The following KATNAL2 variants were observed in gnomAD, a reference collection of about 807,000 sequenced individuals.
KATNAL2 encodes the protein katanin p60 ATPase-containing subunit A-like 2.
A neutral mutation model predicts 76.3 loss-of-function variants in KATNAL2; 52 were observed. The ratio of observed to expected loss-of-function variants is 0.68; its 90% CI spans 0.55 to 0.86. The LOEUF (loss-of-function observed/expected upper bound fraction) is 0.86. Ranked by LOEUF, KATNAL2 falls within the 40% of genes least tolerant of loss-of-function variation. The pLI, the probability that KATNAL2 is intolerant of heterozygous loss-of-function variation, is 0.00. For synonymous variants in KATNAL2, 243 were observed against 244.2 expected (o/e 1.00, Z 0.05); for missense variants, 660 against 668.9 (o/e 0.99, Z 0.15).
intron 3 of KATNAL2, among the ~76,000 whole-genome samples, chr18:46,954,669 CTGACT>C (rs2059671743): frequency 6.6e-6 from 1 of 151,368 alleles, no homozygotes; most frequent in Non-Finnish European, 1.5e-5. Context: ...CAAAAGAAGT[CTGACT>C]TGATTGTCAC....
intron 15 of KATNAL2, among the ~76,000 whole-genome samples, chr18:47,094,425 GA>G (rs2063140601): frequency 6.6e-6 from 1 of 152,174 alleles, no homozygotes; most frequent in Non-Finnish European, 1.5e-5. Context: ...TCATTTCCCT[GA>G]AGAATTCTGT....
At chr18:46,925,478 G>A (rs1341579061) in intron 1 of KATNAL2, among the ~76,000 whole-genome samples, 1 of 152,122 alleles carries the variant, frequency 6.6e-6, no homozygotes, top group Non-Finnish European at 1.5e-5. Flanking sequence ...GCTGGATTCG[G>A]TTTGCCAGTA....
At chr18:47,084,456 G>A (rs2062675362) in intron 15 of KATNAL2, 1 of 698,772 alleles carries the variant, frequency 1.4e-6, no homozygotes, top group South Asian at 1.5e-5. Flanking sequence ...AGCAAGCATT[G>A]TGCAAAAAAT....
chr18:47,066,867 A>ATG (rs2061820531), intron 10 of KATNAL2, among the ~76,000 whole-genome samples, 154 bp from the exon 11 acceptor site: 1 of 74,230 alleles, frequency 1.3e-5, no homozygotes, highest in Non-Finnish European at 2.9e-5. Context: ...ATATATATAT[A>ATG]TATATATATA....
chr18:46,924,672 T>C lies in KATNAL2; in HGVS notation c.-510+6746T>C, dbSNP rs8095353. ...AATCTATAAATTACTTTGGGCAGTA[T>C]GGCCATTTTCATGATATTGATTCTT... On this transcript the variant is annotated intron_variant, in intron 1 of 17. Transcript: ENST00000683218. Among the ~76,000 whole-genome samples the C allele has an allele frequency of 6.5e-3, 997 of 152,302 alleles. 7 individuals carry two copies. The highest frequency in any genetic ancestry group is 0.023 in the African/African-American group (960 of 41,560).
chr18:46,925,651 AG>A (rs765973676), intron 1 of KATNAL2, among the ~76,000 whole-genome samples: 55 of 152,302 alleles, frequency 3.6e-4, no homozygotes, highest in Middle Eastern at 3.4e-3. Flanking sequence ...TAGTTTCAGA[AG>A]GCATGGTACC....
chr18:47,083,515 G>A (rs149883306), intron 15 of KATNAL2, among the ~76,000 whole-genome samples: 4 of 152,258 alleles, frequency 2.6e-5, no homozygotes, highest in South Asian at 2.1e-4. Flanking sequence ...CGTCTCAAAG[G>A]GGCAATCATT....
At chr18:47,054,586 C>T (rs1010323861) in intron 6 of KATNAL2, 148 bp downstream of exon 6, 4 of 745,028 alleles carry the variant, frequency 5.4e-6, no homozygotes, top group African/African-American at 5.3e-5. Flanking sequence ...GGACTTCTCT[C>T]ATTACAGCTG....
intron 1 of KATNAL2, among the ~76,000 whole-genome samples, chr18:46,921,513 CAACTT>C (rs979651363): frequency 6.6e-5 from 10 of 152,120 alleles, no homozygotes; most frequent in African/African-American, 2.4e-4. Context: ...AGCAAAGTCT[CAACTT>C]AATTTTTCTA....
At chr18:47,044,831 C>T (rs2061100582) in intron 3 of KATNAL2, among the ~76,000 whole-genome samples, 1 of 151,660 alleles carries the variant, frequency 6.6e-6, no homozygotes, top group Non-Finnish European at 1.5e-5. Flanking sequence ...CGCCTGTAAT[C>T]CCAGCACTTT....
Position 47,099,287 on chromosome 18 carries a change from T to C in KATNAL2, c.1256T>C (p.Leu419Pro). 3 of 1,614,172 alleles carry C rather than the reference T, an allele frequency of 1.9e-6. No homozygotes were observed. The highest frequency in any genetic ancestry group is 1.1e-5 in the South Asian group (1 of 91,082). Residue 419 changes from leucine (L) to proline (P), a missense_variant, in exon 16 of 18, where the codon CTG becomes CCG. Coordinates refer to ENST00000683218, the MANE Select transcript of KATNAL2 (RefSeq NM_001387690.1). Reference sequence around the variant, plus strand: ...TTACGCCGCCTGGAGAAGAGGATTCTGGTCGATCTCCCCAGCCGGGAGGCC... The same window carrying C: ...TTACGCCGCCTGGAGAAGAGGATTCCGGTCGATCTCCCCAGCCGGGAGGCC... ...AMLRRLEKRI[L>P]VDLPSREARQ...
chr18:47,074,257 G>C (rs1399993608), intron 13 of KATNAL2, among the ~76,000 whole-genome samples: 1 of 152,200 alleles, frequency 6.6e-6, no homozygotes, highest in East Asian at 1.9e-4. Flanking sequence ...GCATGCGCTT[G>C]AATGTACCCA....
At chr18:46,921,780 G>C (rs1158220838) in intron 1 of KATNAL2, among the ~76,000 whole-genome samples, 1 of 151,656 alleles carries the variant, frequency 6.6e-6, no homozygotes, top group Non-Finnish European at 1.5e-5. Flanking sequence ...TTCCAACCTG[G>C]TTGGACCAAC....
chr18:47,079,203 A>G (rs1201220447), intron 15 of KATNAL2, among the ~76,000 whole-genome samples: 2 of 152,150 alleles, frequency 1.3e-5, no homozygotes, highest in African/African-American at 4.8e-5. Context: ...AAAAATAAGG[A>G]CTTTTTTTAC....
rs749424338 is a variant in KATNAL2 at position 46,920,096 on chromosome 18, C to A, written c.-510+2170C>A. On this transcript the variant is annotated intron_variant, in intron 1 of 17. Transcript: ENST00000683218. Reference sequence around the variant, plus strand: ...TTGTAGTTGCTTCCCAGCATTCATTCTGCCCCTTCCTCAATGTGTAGCAGC... The same window carrying A: ...TTGTAGTTGCTTCCCAGCATTCATTATGCCCCTTCCTCAATGTGTAGCAGC... The A allele has an allele frequency of 5.2e-5, 67 of 1,289,684 alleles. No individual in the cohort carries two copies. The African/African-American group carries it at 9.4e-4, about 18-fold the overall frequency. 79.9% of individuals were successfully genotyped at this position (1,289,684 alleles called of 1,614,324 possible). A position where few individuals can be genotyped will look rare whatever the true frequency, so the allele number is the denominator to read the frequency against.
In KATNAL2 at chr18:47,097,376, C is replaced by T. The variant is rs150500785; in HGVS notation, c.1212-1867C>T. Among the ~76,000 whole-genome samples the T allele has an allele frequency of 5.8e-3, 889 of 152,180 alleles. 4 individuals are homozygous for T. The highest frequency in any genetic ancestry group is 9.3e-3 in the Non-Finnish European group (630 of 67,992). On this transcript the variant is annotated intron_variant, in intron 15 of 17. Coordinates refer to ENST00000683218, the MANE Select transcript of KATNAL2 (RefSeq NM_001387690.1). The stretch of plus-strand genomic sequence containing the variant: ...GCCACCAGAAAATCAAACACCACAC[C>T]GACAGTGAGATACACAGATGTGTGG...
rs1335493565 is a variant in KATNAL2, at chr18:47,100,926, T to C, written c.1538T>C (p.Val513Ala). The change falls in exon 18 of 18, where the codon GTG becomes GCG. Residue 513 changes from valine to alanine, a missense_variant. Val to Ala is a moderately conservative substitution (Grantham distance 64). Transcript: ENST00000683218. ...DIVTTADFLD[V>A]LTHTKPSAKN... Reference sequence around the variant, plus strand: ...GTAACCACTGCCGACTTTCTGGATGTGCTAACTCACACCAAGCCCTCCGCA... The same window carrying C: ...GTAACCACTGCCGACTTTCTGGATGCGCTAACTCACACCAAGCCCTCCGCA... The C allele has an allele frequency of 3.1e-6, 5 of 1,614,002 alleles. No homozygotes were observed. The highest frequency in any genetic ancestry group is 4.2e-6 in the Non-Finnish European group (5 of 1,180,024).
chr18:46,934,244 A>G (rs2059023392), intron 1 of KATNAL2, among the ~76,000 whole-genome samples: 1 of 152,128 alleles, frequency 6.6e-6, no homozygotes, highest in East Asian at 1.9e-4. Context: ...CAATGGTTGA[A>G]CTAGTTTACA....
chr18:47,035,506 G>T lies in KATNAL2; in HGVS notation c.52-10951G>T, dbSNP rs953900057. On this transcript the variant is annotated intron_variant, in intron 3 of 17. Coordinates refer to ENST00000683218, the MANE Select transcript of KATNAL2 (RefSeq NM_001387690.1). ...TTGTTCCTCGGGATGTGGAGCCACA[G>T]CCTGGAGTGACCTCTGCAGTTTGCT... 2.1e-5 allele frequency: 17 copies of T among 795,318 alleles called. No individual in the cohort carries two copies. In the Admixed American group the frequency reaches 5.0e-4, roughly 23 times the overall value. 49.3% of individuals were successfully genotyped at this position (795,318 alleles called of 1,614,324 possible). A position where few individuals can be genotyped will look rare whatever the true frequency, so the allele number is the denominator to read the frequency against.
Sources: allele counts gnomAD v4.1 joint callset (sites outside exome capture counted in the v4.1 genomes callset), GRCh38; gene constraint gnomAD v4.1.1; transcripts MANE v1.5; gene names NCBI Gene and HGNC (gene_info 2026-07-23, HGNC 2026-07-21).